Variants in ADAMTS19 observed in about 807,000 individuals in gnomAD.
ADAMTS19 encodes A disintegrin and metalloproteinase with thrombospondin motifs 19.
Under a neutral mutation model 153.3 loss-of-function variants are expected in ADAMTS19, and 93 were observed. That is an observed-to-expected ratio of 0.61 (90% CI 0.51 to 0.72). ADAMTS19 has a LOEUF of 0.72. ADAMTS19 is among the 30% of genes least tolerant of loss of function. ADAMTS19 has a pLI of 0.00. For missense variants in ADAMTS19, 1,482 were observed against 1,552.1 expected, an observed-to-expected ratio of 0.95 and a Z score of 0.76; for synonymous variants, 600 against 556.6, an observed-to-expected ratio of 1.08 and a Z score of -1.10.
intron 7 of ADAMTS19, among the ~76,000 whole-genome samples, chr5:129,565,099 T>C (rs1753660187): frequency 6.6e-6 from 1 of 152,190 alleles, no homozygotes; most frequent in Non-Finnish European, 1.5e-5. Context: ...TAATAATAAA[T>C]TTAAAATTAC....
At chr5:129,532,378 C>A (rs1295882158) in intron 6 of ADAMTS19, among the ~76,000 whole-genome samples, 1 of 152,024 alleles carries the variant, frequency 6.6e-6, no homozygotes, top group Admixed American at 6.6e-5. Context: ...TACTCAACAT[C>A]ATTAGTACTC....
chr5:129,651,943 G>T (rs1036935049), intron 13 of ADAMTS19, among the ~76,000 whole-genome samples: 2 of 148,810 alleles, frequency 1.3e-5, no homozygotes, highest in Non-Finnish European at 3.0e-5. Flanking sequence ...CTTCCAACTG[G>T]CTGTGACAGT....
rs377093137 is a variant in ADAMTS19 at position 129,460,519 on chromosome 5, C to T, written c.91+37C>T. Reference sequence around the variant, plus strand: ...CGTGACTTTCTCGCTTCCTTTCCAGCCATCCCAGCGGAGACCGCGAACGTA... The same window carrying T: ...CGTGACTTTCTCGCTTCCTTTCCAGTCATCCCAGCGGAGACCGCGAACGTA... On this transcript the variant is annotated intron_variant, in intron 1 of 22. Transcript: ENST00000274487. The T allele has an allele frequency of 1.6e-5, 26 of 1,612,600 alleles. No individual in the cohort carries two copies. The Middle Eastern group carries it at 1.2e-3, about 71-fold the overall frequency.
intron 18 of ADAMTS19, among the ~76,000 whole-genome samples, chr5:129,694,122 C>G (rs6880531): frequency 0.014 from 2,183 of 152,226 alleles, 19 homozygotes; most frequent in Non-Finnish European, 0.022. Flanking sequence ...TTTACAATGT[C>G]TTCAGTTTGT....
At chr5:129,597,215 G>A (rs1291685212) in intron 8 of ADAMTS19, among the ~76,000 whole-genome samples, 11 of 152,260 alleles carry the variant, frequency 7.2e-5, no homozygotes, top group African/African-American at 2.6e-4. Flanking sequence ...CAAAGAGGTA[G>A]TTATTGTTCT....
chr5:129,714,131 C>A lies in ADAMTS19; in HGVS notation c.3312+9740C>A, dbSNP rs138613289. Reference sequence around the variant, plus strand: ...AATAGCAGAATGGATTAGAAAAATACATATCTGGCCGGGCGCGGTGGCTCA... The same window carrying A: ...AATAGCAGAATGGATTAGAAAAATAAATATCTGGCCGGGCGCGGTGGCTCA... On this transcript the variant is annotated intron_variant, in intron 21 of 22. Coordinates refer to ENST00000274487, the MANE Select transcript of ADAMTS19 (RefSeq NM_133638.6). Among the ~76,000 whole-genome samples the A allele has an allele frequency of 1.8e-4, 28 of 152,254 alleles. No individual in the cohort carries two copies. In the East Asian group the frequency reaches 3.5e-3, roughly 19 times the overall value.
intron 8 of ADAMTS19, among the ~76,000 whole-genome samples, chr5:129,615,158 A>C (rs776337345): frequency 6.6e-6 from 1 of 152,090 alleles, no homozygotes; most frequent in Admixed American, 6.6e-5. Flanking sequence ...GCTACCAATG[A>C]CTTTCTTCAC....
intron 6 of ADAMTS19, 126 bp downstream of exon 6, chr5:129,528,803 T>C: frequency 1.4e-6 from 1 of 699,468 alleles, no homozygotes; most frequent in Admixed American, 3.8e-5. Context: ...TTTGGCATAA[T>C]GATGTTAGTC....
Position 129,461,833 on chromosome 5 carries a change from A to T in ADAMTS19, c.747+76A>T, listed in dbSNP as rs950041736. On this transcript the variant is annotated intron_variant, in intron 2 of 22. Coordinates refer to ENST00000274487, the MANE Select transcript of ADAMTS19 (RefSeq NM_133638.6). The surrounding 1 kb of genome is among the most constrained non-coding windows in gnomAD (Gnocchi z 4.6). ...TTGCCCATAGGTCAGGATGATTTGC[A>T]TGCACCTTCTCCCCTTTCAGTGTGC... The T allele has an allele frequency of 6.9e-7, 1 of 1,445,786 alleles. No individual in the cohort carries two copies. The highest frequency in any genetic ancestry group is 1.5e-5 in the African/African-American group (1 of 68,012). The allele number at this position is 1,445,786 out of a possible 1,614,324, so 89.6% of individuals were successfully genotyped here.
chr5:129,552,743 G>T (rs1215724997), intron 7 of ADAMTS19, among the ~76,000 whole-genome samples: 1 of 151,800 alleles, frequency 6.6e-6, no homozygotes, highest in Non-Finnish European at 1.5e-5. Flanking sequence ...AGAACATAGG[G>T]ATATTAGTAT....
intron 7 of ADAMTS19, among the ~76,000 whole-genome samples, chr5:129,595,774 T>A (rs1442204132): frequency 1.3e-5 from 2 of 152,098 alleles, no homozygotes; most frequent in Non-Finnish European, 2.9e-5. Context: ...AACTTGTTAT[T>A]TGAAAATAAC....
At chr5:129,570,702 A>T (rs1051707939) in intron 7 of ADAMTS19, among the ~76,000 whole-genome samples, 3 of 151,972 alleles carry the variant, frequency 2.0e-5, no homozygotes, top group African/African-American at 7.2e-5. Context: ...TGAATTGAGA[A>T]ATATACGAAT....
intron 2 of ADAMTS19, among the ~76,000 whole-genome samples, chr5:129,503,168 A>G (rs184170833): frequency 2.6e-5 from 4 of 152,308 alleles, no homozygotes; most frequent in African/African-American, 9.6e-5. Flanking sequence ...AAAACTGGAG[A>G]GGCAGACAAT....
At chr5:129,649,551 G>A (rs1753220099) in intron 13 of ADAMTS19, among the ~76,000 whole-genome samples, 1 of 152,128 alleles carries the variant, frequency 6.6e-6, no homozygotes, top group Admixed American at 6.6e-5. Context: ...GTGGTTGCCA[G>A]GGATTAGGGA....
At chr5:129,656,915 G>C (rs773243436) in intron 14 of ADAMTS19, among the ~76,000 whole-genome samples, 1 of 152,172 alleles carries the variant, frequency 6.6e-6, no homozygotes, top group Admixed American at 6.5e-5. Context: ...ACCAGGGATA[G>C]AGCAATAAAG....
chr5:129,509,390 TTATC>T, intron 3 of ADAMTS19, 148 bp downstream of exon 3: 4 of 813,780 alleles, frequency 4.9e-6, no homozygotes, highest in Non-Finnish European at 7.3e-6. Flanking sequence ...AATTATAGGA[TTATC>T]TTTTAGTTTT....
At chr5:129,613,234 T>C (rs1751323358) in intron 8 of ADAMTS19, among the ~76,000 whole-genome samples, 1 of 152,110 alleles carries the variant, frequency 6.6e-6, no homozygotes, top group Non-Finnish European at 1.5e-5. Flanking sequence ...GAATATACAT[T>C]CTTCTCAGCA....
intron 2 of ADAMTS19, among the ~76,000 whole-genome samples, chr5:129,506,144 C>T (rs1021585095): frequency 2.0e-5 from 3 of 150,260 alleles, no homozygotes; most frequent in African/African-American, 7.4e-5. Context: ...GAGCCCTTTG[C>T]GGGGACACAG....
At chr5:129,734,672 C>T (rs1162919052) in intron 21 of ADAMTS19, among the ~76,000 whole-genome samples, 1 of 151,938 alleles carries the variant, frequency 6.6e-6, no homozygotes, top group Non-Finnish European at 1.5e-5. Context: ...TCATACTGTA[C>T]CTTTTTCTTT....
Sources: allele counts gnomAD v4.1 joint callset (sites outside exome capture counted in the v4.1 genomes callset), GRCh38; gene constraint gnomAD v4.1.1; non-coding constraint Gnocchi (gnomAD v3.1); transcripts MANE v1.5; gene names NCBI Gene and HGNC (gene_info 2026-07-23, HGNC 2026-07-21).